DOCK2: variants seen among roughly 807,000 people sequenced by gnomAD.
DOCK2 encodes the protein dedicator of cytokinesis protein 2.
A neutral mutation model predicts 248.9 loss-of-function variants in DOCK2; 87 were observed. The observed-to-expected ratio is 0.35, with a 90% CI of 0.29 to 0.42. The LOEUF (loss-of-function observed/expected upper bound fraction) is 0.42, where lower values mean the gene tolerates loss of function less well. Ranked by LOEUF, DOCK2 falls within the 10% of genes least tolerant of loss-of-function variation. The pLI is 1.00. For missense variants in DOCK2, 1,747 were observed against 2,300.2 expected, an observed-to-expected ratio of 0.76 and a Z score of 4.92; for synonymous variants, 805 against 821.6, an observed-to-expected ratio of 0.98 and a Z score of 0.35.
chr5:170,081,353 C>T (rs1168235670), intron 50 of DOCK2: 1 of 156,450 alleles, frequency 6.4e-6, no homozygotes, highest in African/African-American at 2.4e-5. Flanking sequence ...ATGTCAAAAC[C>T]AGCAGTCAGA....
intron 26 of DOCK2, among the ~76,000 whole-genome samples, chr5:169,815,220 A>G (rs1363406456): frequency 1.3e-5 from 2 of 152,050 alleles, no homozygotes; most frequent in South Asian, 4.2e-4. Context: ...TTGCTTAGGG[A>G]TGGTCTTTGG....
intron 27 of DOCK2, among the ~76,000 whole-genome samples, chr5:169,903,359 T>C (rs1005847237): frequency 3.5e-5 from 5 of 141,502 alleles, no homozygotes; most frequent in Non-Finnish European, 6.1e-5. Flanking sequence ...AGCAGGGTGG[T>C]AAATACCCAC....
At chr5:169,968,513 G>A (rs1035359345) in intron 27 of DOCK2, among the ~76,000 whole-genome samples, 4 of 152,164 alleles carry the variant, frequency 2.6e-5, no homozygotes, top group Non-Finnish European at 5.9e-5. Context: ...ACATTGGGGG[G>A]TCAATGTTCA....
chr5:169,976,088 C>T (rs1453924326), intron 27 of DOCK2, among the ~76,000 whole-genome samples: 2 of 152,180 alleles, frequency 1.3e-5, no homozygotes, highest in Non-Finnish European at 2.9e-5. Context: ...CTATAACATT[C>T]TTTTGGAGAT....
rs1757760654 is a variant in DOCK2, at chr5:170,073,975, C to A, written c.4729-1972C>A. Among the ~76,000 whole-genome samples, 11 of 151,924 alleles carry A rather than the reference C, an allele frequency of 7.2e-5. No individual in the cohort carries two copies. In the South Asian group the frequency reaches 2.1e-3, roughly 29 times the overall value. On this transcript the variant is annotated intron_variant, in intron 46 of 51. Coordinates refer to ENST00000520908, the MANE Select transcript of DOCK2 (RefSeq NM_004946.3). ...CACCTTTATTATTTTCATTCCTTTT[C>A]TCCCTTTGAATTTAGTTCGCTGTTC...
chr5:169,947,786 A>C (rs1776504658), intron 27 of DOCK2, among the ~76,000 whole-genome samples: 1 of 152,216 alleles, frequency 6.6e-6, no homozygotes. Flanking sequence ...CAGATCCTTC[A>C]CTGTCATGGT....
intron 14 of DOCK2, 58 bp from the exon 15 acceptor site, chr5:169,708,111 A>G (rs1443242317): frequency 5.1e-6 from 8 of 1,576,974 alleles, no homozygotes; most frequent in Non-Finnish European, 5.2e-6. Context: ...AAACCTGCAC[A>G]AGCACAGAAA....
Position 169,765,800 on chromosome 5 carries a change from T to TC in DOCK2, c.2554+4176dup, listed in dbSNP as rs1234755227. ...TTTATTTTCAGCTGGTGGGTTTTTTTCACTGGGAACTTTATTGAGAAGCTG... is the reference window on the plus strand; with the variant it reads ...TTTATTTTCAGCTGGTGGGTTTTTTTCCACTGGGAACTTTATTGAGAAGCTG... On this transcript the variant is annotated intron_variant, in intron 25 of 51. Transcript: ENST00000520908. Among the ~76,000 whole-genome samples the TC allele has an allele frequency of 3.3e-5, 5 of 152,062 alleles. No homozygotes were observed. The East Asian group carries it at 5.8e-4, about 18-fold the overall frequency.
intron 25 of DOCK2, among the ~76,000 whole-genome samples, chr5:169,787,804 C>G (rs529196921): frequency 7.0e-6 from 1 of 143,448 alleles, no homozygotes; most frequent in East Asian, 2.1e-4. Context: ...TTTACCTCTT[C>G]TTTTTTCTTT....
intron 32 of DOCK2, among the ~76,000 whole-genome samples, chr5:170,012,443 A>G (rs1055063974): frequency 1.3e-5 from 2 of 152,250 alleles, no homozygotes; most frequent in African/African-American, 4.8e-5. Flanking sequence ...CATCACCATC[A>G]TCAGTATCAT....
At position 170,069,240 on chromosome 5, in the gene DOCK2, G is replaced by A. The variant is rs1268636521; in HGVS notation, c.4728+20G>A. ...TGGCAGGTGAGGCAGCGCTGGCCAG[G>A]GGAGCATGCTGCTCTCCTTCCTCTC... On this transcript the variant is annotated intron_variant, in intron 46 of 51. Transcript: ENST00000520908. 5 of 1,611,888 alleles carry A rather than the reference G, an allele frequency of 3.1e-6. No homozygotes were observed. The highest frequency in any genetic ancestry group is 4.2e-6 in the Non-Finnish European group (5 of 1,179,066).
chr5:169,664,495 ACTGTT>A (rs1758612184), intron 2 of DOCK2, among the ~76,000 whole-genome samples: 2 of 152,204 alleles, frequency 1.3e-5, no homozygotes, highest in South Asian at 4.1e-4. Flanking sequence ...CTGTTTTCAC[ACTGTT>A]ATAAAGAACT....
intron 27 of DOCK2, among the ~76,000 whole-genome samples, chr5:169,936,675 C>G (rs1345743491): frequency 6.6e-6 from 1 of 150,576 alleles, no homozygotes; most frequent in East Asian, 2.0e-4. Context: ...TAGCATTCCC[C>G]AGAGAGCAAA....
At chr5:169,897,162 T>C (rs185242963) in intron 27 of DOCK2, among the ~76,000 whole-genome samples, 144 of 152,300 alleles carry the variant, frequency 9.5e-4, no homozygotes, top group South Asian at 3.9e-3. Context: ...TTGGAAAGTA[T>C]CACAATAAAA....
At chr5:169,726,049 G>A (rs1762456026) in intron 22 of DOCK2, among the ~76,000 whole-genome samples, 1 of 152,046 alleles carries the variant, frequency 6.6e-6, no homozygotes, top group Non-Finnish European at 1.5e-5. Flanking sequence ...GTCAAATGGT[G>A]TTTCTGGTTC....
rs543839354 is a variant in DOCK2, at chr5:169,809,052, C to T, written c.2703+5846C>T. Among the ~76,000 whole-genome samples the T allele has an allele frequency of 4.3e-4, 66 of 151,834 alleles. 1 individual carries two copies. Among genetic ancestry groups the T allele is most frequent in the South Asian group, 8.3e-4 (4 of 4,794 alleles). ...TGTTGCCCAGGCTGGAGTGCAGTGG[C>T]GCAATCTCAGCTGACTGCAACCTCC... is the stretch of plus-strand genomic sequence containing the variant. On this transcript the variant is annotated intron_variant, in intron 26 of 51. Transcript: ENST00000520908.
chr5:169,656,346 G>A (rs913113647), intron 2 of DOCK2, among the ~76,000 whole-genome samples: 3 of 150,018 alleles, frequency 2.0e-5, no homozygotes, highest in East Asian at 1.9e-4. Flanking sequence ...TTTTTAAGAC[G>A]GACTCTTGCT....
Position 169,718,740 on chromosome 5 carries a change from C to G in DOCK2, c.2216C>G (p.Ala739Gly), listed in dbSNP as rs1385184467. Residue 739 changes from alanine (A) to glycine (G), a missense_variant, in exon 22 of 52, where the codon GCT (alanine) becomes GGT (glycine). By Grantham distance (60) the Ala-to-Gly change is moderately conservative. Transcript: ENST00000520908. Reference protein sequence around the residue: ...QCEPILRTLKALEYVFKFIVR... With the variant: ...QCEPILRTLKGLEYVFKFIVR... ...GAGCCAATCCTAAGAACGCTGAAGG[C>G]TTTGGAATATGTGTTCAAGTTCATT... The G allele has an allele frequency of 1.2e-6, 2 of 1,613,870 alleles. No homozygotes were observed. The highest frequency in any genetic ancestry group is 1.7e-6 in the Non-Finnish European group (2 of 1,179,856).
At chr5:169,881,582 A>C (rs1772655703) in intron 27 of DOCK2, 1 of 662,514 alleles carries the variant, frequency 1.5e-6, no homozygotes, top group Admixed American at 2.3e-5. Flanking sequence ...AAATAAGGAA[A>C]CAAGAATGTC....
Sources: allele counts gnomAD v4.1 joint callset (sites outside exome capture counted in the v4.1 genomes callset), GRCh38; gene constraint gnomAD v4.1.1; transcripts MANE v1.5; gene names NCBI Gene and HGNC (gene_info 2026-07-23, HGNC 2026-07-21).